AGO2: variants seen among roughly 807,000 people sequenced by gnomAD.
AGO2 encodes argonaute RISC catalytic component 2.
A neutral mutation model predicts 102.3 loss-of-function variants in AGO2; 5 were observed. The observed-to-expected ratio is 0.05, with a 90% CI of 0.03 to 0.10. The LOEUF (loss-of-function observed/expected upper bound fraction) is 0.10, where lower values mean the gene tolerates loss of function less well. Ranked by LOEUF, AGO2 falls within the 10% of genes least tolerant of loss-of-function variation. The pLI, the probability that AGO2 is intolerant of heterozygous loss-of-function variation, is 1.00. For missense variants in AGO2, 541 were observed against 1,183.7 expected, an observed-to-expected ratio of 0.46 and a Z score of 7.97; for synonymous variants, 449 against 473.1, an observed-to-expected ratio of 0.95 and a Z score of 0.66.
chr8:140,531,942 G>A lies in AGO2; in HGVS notation c.*102C>T. ...TCTAATAAAATCAATGACGTCTCAT[G>A]TTCGATGCTGGCTGTCACGGAAGGG... is the stretch of plus-strand genomic sequence containing the variant. On this transcript the variant is annotated 3_prime_UTR_variant, in exon 19 of 19. Transcript: ENST00000220592. 1 of 982,728 alleles carries A rather than the reference G, an allele frequency of 1.0e-6. No homozygotes were observed. Among genetic ancestry groups the A allele is most frequent in the Non-Finnish European group, 1.6e-6 (1 of 629,892 alleles). 60.9% of individuals were successfully genotyped at this position (982,728 alleles called of 1,614,324 possible).
rs543779322 is a variant in AGO2, at chr8:140,542,138, G to C, written c.1840-780C>G. 2.6e-5 allele frequency among the ~76,000 whole-genome samples: 4 copies of C among 152,310 alleles called. No homozygotes were observed. In the South Asian group the frequency reaches 8.3e-4, roughly 32 times the overall value. On this transcript the variant is annotated intron_variant, in intron 14 of 18. Transcript: ENST00000220592. ...CAGAGAGAGCCTAGCACGGCTCTGC[G>C]GTTCTCTGTCGGGGGCCAAGGGAGC... is the stretch of plus-strand genomic sequence containing the variant.
intron 1 of AGO2, among the ~76,000 whole-genome samples, chr8:140,613,149 G>A (rs1346022232): frequency 4.6e-5 from 7 of 152,054 alleles, no homozygotes; most frequent in African/African-American, 7.2e-5. Flanking sequence ...GCAGTGAGCC[G>A]AGATAGCGCC....
At chr8:140,629,530 A>G (rs2074316148) in intron 1 of AGO2, among the ~76,000 whole-genome samples, 2 of 152,066 alleles carry the variant, frequency 1.3e-5, no homozygotes, top group Non-Finnish European at 2.9e-5. Flanking sequence ...GTCCATCTCG[A>G]TGACAGTGAG....
At chr8:140,568,192 G>A (rs1564091822) in intron 3 of AGO2, among the ~76,000 whole-genome samples, 1 of 151,392 alleles carries the variant, frequency 6.6e-6, no homozygotes. Context: ...GCTGAGGTGG[G>A]AGGCTCACTT....
At chr8:140,620,708 A>G (rs1045812784) in intron 1 of AGO2, among the ~76,000 whole-genome samples, 1 of 152,008 alleles carries the variant, frequency 6.6e-6, no homozygotes, top group African/African-American at 2.4e-5. Context: ...CTCTACAAAA[A>G]ATACAAAAAA....
At chr8:140,590,501 A>G (rs1346872510) in intron 1 of AGO2, among the ~76,000 whole-genome samples, 1 of 152,210 alleles carries the variant, frequency 6.6e-6, no homozygotes, top group African/African-American at 2.4e-5. Context: ...TGGGGGTCCC[A>G]GGTTTCTGGC....
At position 140,539,199 on chromosome 8, in the gene AGO2, A is replaced by G. The variant is rs2132872925; in HGVS notation, c.2169+121T>C. On this transcript the variant is annotated intron_variant, in intron 16 of 18. Coordinates refer to ENST00000220592, the MANE Select transcript of AGO2 (RefSeq NM_012154.5). The surrounding 1 kb of genome is among the most constrained non-coding windows in gnomAD (Gnocchi z 4.7). ...GTCCCCATGAAGCCCCTTAGAGGAC[A>G]GAGTCACCCTAGAGCCTGGGACAGC... The G allele has an allele frequency of 7.2e-7, 1 of 1,395,036 alleles. No individual in the cohort carries two copies. The highest frequency in any genetic ancestry group is 9.6e-7 in the Non-Finnish European group (1 of 1,042,328). 86.4% of individuals were successfully genotyped at this position (1,395,036 alleles called of 1,614,324 possible).
intron 1 of AGO2, among the ~76,000 whole-genome samples, chr8:140,601,873 G>A (rs1231580268): frequency 3.3e-5 from 5 of 152,104 alleles, no homozygotes; most frequent in Admixed American, 3.3e-4. Flanking sequence ...TACGTGATAG[G>A]CAGGTCAGCG....
intron 1 of AGO2, among the ~76,000 whole-genome samples, chr8:140,609,219 C>T: frequency 6.6e-6 from 1 of 152,252 alleles, no homozygotes; most frequent in East Asian, 1.9e-4. Context: ...GGATCCTCAG[C>T]TATTTGGCAA....
intron 3 of AGO2, among the ~76,000 whole-genome samples, chr8:140,571,522 C>A (rs1284190014): frequency 3.3e-5 from 5 of 152,188 alleles, no homozygotes; most frequent in Non-Finnish European, 5.9e-5. Flanking sequence ...GAAGACTGAA[C>A]GTCTGTAGAG....
intron 1 of AGO2, among the ~76,000 whole-genome samples, chr8:140,617,297 C>T (rs938608947): frequency 2.6e-5 from 4 of 151,810 alleles, no homozygotes; most frequent in Admixed American, 6.5e-5. Flanking sequence ...CTCGCTCTGT[C>T]GCCCAGGCTG....
the AGO2 span, among the ~76,000 whole-genome samples, chr8:140,642,257 C>T: frequency 3.3e-5 from 5 of 152,078 alleles, no homozygotes; most frequent in African/African-American, 4.8e-5. Context: ...GTTTGTGTTC[C>T]GCCAACACTA....
At chr8:140,561,929 C>A (rs1208288453) in intron 4 of AGO2, among the ~76,000 whole-genome samples, 1 of 152,254 alleles carries the variant, frequency 6.6e-6, no homozygotes, top group Non-Finnish European at 1.5e-5. Flanking sequence ...ATTAGTGCAA[C>A]CCTCTGCCCA....
chr8:140,640,156 A>G (rs915576647), upstream of AGO2, among the ~76,000 whole-genome samples: 9 of 151,830 alleles, frequency 5.9e-5, no homozygotes, highest in Admixed American at 6.6e-5. Flanking sequence ...TTACAGGCGC[A>G]TGCCACCACA....
intron 1 of AGO2, chr8:140,592,303 T>A (rs1295917696): frequency 1.3e-5 from 2 of 152,184 alleles, no homozygotes; most frequent in Non-Finnish European, 2.9e-5. Context: ...GCCTGACACC[T>A]CTCAGTGGAG....
the AGO2 span, among the ~76,000 whole-genome samples, chr8:140,640,705 G>A: frequency 6.6e-6 from 1 of 152,114 alleles, no homozygotes; most frequent in Admixed American, 6.6e-5. Flanking sequence ...ATTTGTAGTA[G>A]AGACGGGGTT....
At chr8:140,600,680 C>CAAA (rs34175261) in intron 1 of AGO2, among the ~76,000 whole-genome samples, 79 of 129,158 alleles carry the variant, frequency 6.1e-4, no homozygotes, top group African/African-American at 2.1e-3. Context: ...AACTCCGTGT[C>CAAA]AAAAAAAAAA....
intron 1 of AGO2, 118 bp downstream of exon 1, chr8:140,635,367 C>T: frequency 1.5e-6 from 1 of 686,434 alleles, no homozygotes; most frequent in Middle Eastern, 7.4e-4. Flanking sequence ...CCCCCGGCCC[C>T]CGCCGCCCCG....
intron 1 of AGO2, among the ~76,000 whole-genome samples, chr8:140,612,342 G>A (rs542413180): frequency 2.8e-4 from 43 of 151,888 alleles, no homozygotes; most frequent in South Asian, 1.2e-3. Context: ...TGGAAGGCCC[G>A]TGTAACTCTG....
Sources: allele counts gnomAD v4.1 joint callset (sites outside exome capture counted in the v4.1 genomes callset), GRCh38; gene constraint gnomAD v4.1.1; non-coding constraint Gnocchi (gnomAD v3.1); transcripts MANE v1.5; gene names NCBI Gene and HGNC (gene_info 2026-07-23, HGNC 2026-07-21).